GPR19: variants seen among roughly 807,000 people sequenced by gnomAD.
GPR19 encodes the protein G protein-coupled receptor 19.
A neutral mutation model predicts 28.5 loss-of-function variants in GPR19; 14 were observed. The observed-to-expected ratio is 0.49, with a 90% CI of 0.32 to 0.77. The LOEUF is 0.77. Ranked by LOEUF, GPR19 falls within the 30% of genes least tolerant of loss-of-function variation. GPR19 has a pLI of 0.03. For missense variants in GPR19, 409 were observed against 504.1 expected (o/e 0.81, Z 1.81); for synonymous variants, 173 against 184.1 (o/e 0.94, Z 0.49).
At chr12:12,674,453 G>A (rs1476656695) in intron 3 of GPR19, among the ~76,000 whole-genome samples, 1 of 151,902 alleles carries the variant, frequency 6.6e-6, no homozygotes, top group African/African-American at 2.4e-5. Context: ...CAGTGTAGGT[G>A]GAGAAAAGTA....
At chr12:12,706,224 T>C in the GPR19 span, among the ~76,000 whole-genome samples, 3 of 152,356 alleles carry the variant, frequency 2.0e-5, no homozygotes, top group African/African-American at 4.8e-5. Context: ...TCAGTGTTTA[T>C]CTTACTTGAC....
chr12:12,675,736 T>C (rs1945921335), intron 3 of GPR19, among the ~76,000 whole-genome samples: 1 of 152,098 alleles, frequency 6.6e-6, no homozygotes, highest in Non-Finnish European at 1.5e-5. Context: ...TCCCACCTGA[T>C]AGCCATCAAG....
intron 3 of GPR19, among the ~76,000 whole-genome samples, chr12:12,675,695 C>G (rs1173074428): frequency 6.6e-6 from 1 of 151,996 alleles, no homozygotes; most frequent in Non-Finnish European, 1.5e-5. Context: ...CATAGAGGGA[C>G]CAGGATGAGG....
At position 12,682,347 on chromosome 12, in the gene GPR19, A is replaced by G. The variant is rs148903460; in HGVS notation, c.-23+2004T>C. Among the ~76,000 whole-genome samples the G allele has an allele frequency of 2.0e-4, 31 of 152,336 alleles. No individual in the cohort carries two copies. The East Asian group carries it at 5.8e-3, about 28-fold the overall frequency. ...TCAGGCATAATTTTGACTGTTGCCA[A>G]GTTCTTACTACACATGTGTCTCCTC... On this transcript the variant is annotated intron_variant, in intron 3 of 3. Transcript: ENST00000651487.
At chr12:12,666,793 A>C (rs1945787229) in intron 3 of GPR19, among the ~76,000 whole-genome samples, 1 of 152,256 alleles carries the variant, frequency 6.6e-6, no homozygotes, top group African/African-American at 2.4e-5. Context: ...AAATGCACAT[A>C]GAAAATCACT....
At chr12:12,713,519 C>T in the GPR19 span, among the ~76,000 whole-genome samples, 1 of 151,992 alleles carries the variant, frequency 6.6e-6, no homozygotes, top group Admixed American at 6.6e-5. Flanking sequence ...GTCTTCAGGG[C>T]TTCTCTCAAA....
rs1263751561 is a variant in GPR19 at position 12,684,385 on chromosome 12, T to C, written c.-57A>G. 1 of 152,230 alleles carries C rather than the reference T, an allele frequency of 6.6e-6. No homozygotes were observed. Among genetic ancestry groups the C allele is most frequent in the Non-Finnish European group, 1.5e-5 (1 of 68,050 alleles). 9.4% of individuals were successfully genotyped at this position (152,230 alleles called of 1,614,324 possible). On this transcript the variant is annotated 5_prime_UTR_variant, in exon 3 of 4. It removes the in-frame stop codon of an upstream open reading frame in the 5' UTR. Coordinates refer to ENST00000651487, the MANE Select transcript of GPR19 (RefSeq NM_006143.3). Reference sequence around the variant, plus strand: ...GACTTGATTTCAGAGACGTTCTCTTTAGATCTTCTTGGTCAGGAATAGCCC... The same window carrying C: ...GACTTGATTTCAGAGACGTTCTCTTCAGATCTTCTTGGTCAGGAATAGCCC...
At chr12:12,670,293 G>A (rs1385014847) in intron 3 of GPR19, among the ~76,000 whole-genome samples, 3 of 152,108 alleles carry the variant, frequency 2.0e-5, no homozygotes, top group Non-Finnish European at 4.4e-5. Flanking sequence ...ATTTTCATTT[G>A]TTAAATCTGG....
rs749640214 is a variant in GPR19, at chr12:12,662,397, T to C, written c.52A>G (p.Thr18Ala). The C allele has an allele frequency of 6.2e-7, 1 of 1,614,210 alleles. No homozygotes were observed. The highest frequency in any genetic ancestry group is 8.5e-7 in the Non-Finnish European group (1 of 1,180,028). Residue 18 changes from threonine to alanine, a missense_variant, in exon 4 of 4, where the codon ACA becomes GCA. By Grantham distance (58) the Thr-to-Ala change is moderately conservative. Coordinates refer to ENST00000651487, the MANE Select transcript of GPR19 (RefSeq NM_006143.3). ...CGGTTTTGGAGGGGCACCAGAAGTG[T>C]AGGAATAATCAAATGTGGCTTGCTG... ...DNSKPHLIIP[T>A]LLVPLQNRSC...
intron 3 of GPR19, among the ~76,000 whole-genome samples, chr12:12,669,530 G>A (rs1182197107): frequency 6.6e-6 from 1 of 152,106 alleles, no homozygotes; most frequent in East Asian, 1.9e-4. Flanking sequence ...AATGAGAAAT[G>A]CCTGTAACAC....
the GPR19 span, among the ~76,000 whole-genome samples, chr12:12,707,807 C>T: frequency 1.6e-4 from 24 of 151,724 alleles, no homozygotes; most frequent in African/African-American, 5.6e-4. Flanking sequence ...CGGGGTCAAA[C>T]TCCTGGCCTC....
the GPR19 span, among the ~76,000 whole-genome samples, chr12:12,710,460 T>C: frequency 6.6e-6 from 1 of 152,064 alleles, no homozygotes; most frequent in East Asian, 1.9e-4. Context: ...CATTTGTAAA[T>C]ATGGATAGGT....
At chr12:12,662,576 A>G (rs1945696307) in intron 3 of GPR19, 106 bp from the exon 4 acceptor site, 4 of 900,444 alleles carry the variant, frequency 4.4e-6, no homozygotes, top group East Asian at 2.5e-5. Context: ...ATTGATTGTC[A>G]TTTGTCTTTG....
intron 3 of GPR19, chr12:12,668,848 A>G (rs1945818239): frequency 6.6e-6 from 1 of 152,112 alleles, no homozygotes. Flanking sequence ...TGTGCCAGGC[A>G]CTTTATATGT....
At chr12:12,701,614 C>G in the GPR19 span, among the ~76,000 whole-genome samples, 1 of 152,110 alleles carries the variant, frequency 6.6e-6, no homozygotes, top group African/African-American at 2.4e-5. Context: ...TTTCTCCCAG[C>G]TAAAATCCAT....
At chr12:12,672,491 A>T (rs956510952) in intron 3 of GPR19, among the ~76,000 whole-genome samples, 1 of 152,220 alleles carries the variant, frequency 6.6e-6, no homozygotes, top group African/African-American at 2.4e-5. Context: ...TCATGCCTAT[A>T]ATCCCAGCAC....
chr12:12,665,819 CAAAAAAAAAAAAAAAAA>C (rs528302150), intron 3 of GPR19, among the ~76,000 whole-genome samples: 3 of 75,726 alleles, frequency 4.0e-5, no homozygotes, highest in South Asian at 1.3e-3. Context: ...GACTCCGTCT[CAAAAAAAAAAAAAAAAA>C]AAAAAAAAAA....
chr12:12,685,263 G>C (rs975951057), intron 2 of GPR19, among the ~76,000 whole-genome samples: 1 of 77,202 alleles, frequency 1.3e-5, no homozygotes, highest in Non-Finnish European at 2.6e-5. Context: ...TTTAAATATG[G>C]TCTTTTTTTT....
chr12:12,707,714 T>C, the GPR19 span, among the ~76,000 whole-genome samples: 1 of 152,186 alleles, frequency 6.6e-6, no homozygotes, highest in Non-Finnish European at 1.5e-5. Context: ...CCAAATTCCA[T>C]ATTTTATTTA....
Sources: allele counts gnomAD v4.1 joint callset (sites outside exome capture counted in the v4.1 genomes callset), GRCh38; gene constraint gnomAD v4.1.1; transcripts MANE v1.5; gene names NCBI Gene and HGNC (gene_info 2026-07-23, HGNC 2026-07-21).